Variants in DROSHA observed in about 807,000 individuals in gnomAD.
DROSHA encodes the protein drosha ribonuclease III.
In DROSHA, 56 loss-of-function variants were observed where a neutral mutation model predicts 181.9. That is an observed-to-expected ratio of 0.31 (90% confidence interval 0.25 to 0.38). DROSHA has a LOEUF of 0.38. Ranked by LOEUF, DROSHA falls within the 10% of genes least tolerant of loss-of-function variation. DROSHA has a pLI of 1.00. For missense variants in DROSHA, 1,218 were observed against 1,743.5 expected (o/e 0.70, Z 5.37); for synonymous variants, 524 against 591.2 (o/e 0.89, Z 1.65).
chr5:31,481,016 G>A (rs1224354123), intron 16 of DROSHA, among the ~76,000 whole-genome samples: 1 of 151,794 alleles, frequency 6.6e-6, no homozygotes, highest in African/African-American at 2.4e-5. Context: ...TTAAAAAATA[G>A]ATGCAAATCA....
chr5:31,483,516 AC>A, intron 16 of DROSHA, 37 bp downstream of exon 16: 1 of 1,597,672 alleles, frequency 6.3e-7, no homozygotes, highest in Non-Finnish European at 8.6e-7. Context: ...TTTCAGATGC[AC>A]TATCTCACCA....
At chr5:31,406,532 C>T (rs959085219) in intron 34 of DROSHA, among the ~76,000 whole-genome samples, 4 of 151,962 alleles carry the variant, frequency 2.6e-5, no homozygotes, top group African/African-American at 7.3e-5. Context: ...GTGTCATGTG[C>T]GACATGACAC....
At chr5:31,472,397 A>C (rs1749838521) in intron 16 of DROSHA, among the ~76,000 whole-genome samples, 165 bp from the exon 17 acceptor site, 1 of 152,244 alleles carries the variant, frequency 6.6e-6, no homozygotes, top group Non-Finnish European at 1.5e-5. Flanking sequence ...AATAATATGA[A>C]AGCCATTTGT....
intron 20 of DROSHA, among the ~76,000 whole-genome samples, chr5:31,461,389 T>C (rs1748386883): frequency 6.6e-6 from 1 of 152,292 alleles, no homozygotes; most frequent in South Asian, 2.1e-4. Flanking sequence ...CAAAAACTCT[T>C]AGTTAAAATG....
intron 8 of DROSHA, 84 bp from the exon 9 acceptor site, chr5:31,511,260 G>A: frequency 1.5e-6 from 2 of 1,328,984 alleles, no homozygotes; most frequent in Non-Finnish European, 2.0e-6. Context: ...GGTAATCAAA[G>A]CATTTTTAAC....
intron 22 of DROSHA, 47 bp downstream of exon 22, chr5:31,449,232 AAC>A (rs1214555727): frequency 1.6e-5 from 25 of 1,604,714 alleles, no homozygotes; most frequent in Non-Finnish European, 2.1e-5. Flanking sequence ...TACAACAGAA[AAC>A]ACAGGCCAAA....
At position 31,474,327 on chromosome 5, in the gene DROSHA, T is replaced by A. The variant is rs148848392; in HGVS notation, c.2072-2095A>T. ...AACTTCCATAGTGTTATGGACTCAATGTTTGTGTTCCCCCAAATTTCATAT... is the reference window on the plus strand; with the variant it reads ...AACTTCCATAGTGTTATGGACTCAAAGTTTGTGTTCCCCCAAATTTCATAT... On this transcript the variant is annotated intron_variant, in intron 16 of 35. Coordinates refer to ENST00000344624, the MANE Select transcript of DROSHA (RefSeq NM_001382508.1). Among the ~76,000 whole-genome samples the A allele has an allele frequency of 1.1e-4, 16 of 152,300 alleles. No homozygotes were observed. In the East Asian group the frequency reaches 2.7e-3, roughly 26 times the overall value.
chr5:31,496,715 T>A (rs1448644461), intron 11 of DROSHA, among the ~76,000 whole-genome samples: 5 of 152,214 alleles, frequency 3.3e-5, no homozygotes, highest in Admixed American at 3.3e-4. Context: ...GCTCCCTGGA[T>A]AACCTTGACT....
intron 10 of DROSHA, among the ~76,000 whole-genome samples, chr5:31,506,344 C>T (rs1580332305): frequency 7.1e-6 from 1 of 140,314 alleles, no homozygotes. Context: ...GCCTGGGCGA[C>T]AGAGTGAGAC....
intron 11 of DROSHA, among the ~76,000 whole-genome samples, chr5:31,496,809 G>C (rs1438157283): frequency 6.6e-6 from 1 of 152,230 alleles, no homozygotes; most frequent in East Asian, 1.9e-4. Flanking sequence ...TTACAGTCCA[G>C]TTCCTGTGTG....
chr5:31,484,758 C>A, intron 15 of DROSHA, 123 bp downstream of exon 15: 1 of 688,086 alleles, frequency 1.5e-6, no homozygotes, highest in Admixed American at 3.4e-5. Flanking sequence ...TAACACTTTT[C>A]TCTGGGTATT....
intron 16 of DROSHA, among the ~76,000 whole-genome samples, chr5:31,478,495 A>G (rs777964704): frequency 9.2e-5 from 14 of 152,160 alleles, no homozygotes; most frequent in Non-Finnish European, 1.9e-4. Flanking sequence ...CTAGCACTTT[A>G]GGAGGCTGAG....
chr5:31,497,707 C>T (rs1334117433), intron 11 of DROSHA, among the ~76,000 whole-genome samples: 1 of 152,226 alleles, frequency 6.6e-6, no homozygotes, highest in Non-Finnish European at 1.5e-5. Context: ...AGTGCCATTA[C>T]TCACCTGCTT....
chr5:31,438,004 C>T (rs1473302988), intron 23 of DROSHA, among the ~76,000 whole-genome samples: 1 of 152,180 alleles, frequency 6.6e-6, no homozygotes, highest in East Asian at 1.9e-4. Flanking sequence ...CCCGATGCCC[C>T]TCATCAAAAT....
intron 17 of DROSHA, among the ~76,000 whole-genome samples, chr5:31,468,303 C>G (rs1175214620): frequency 6.6e-6 from 1 of 152,146 alleles, no homozygotes; most frequent in Non-Finnish European, 1.5e-5. Flanking sequence ...TTTTTGCAGT[C>G]CACATAGAAA....
intron 3 of DROSHA, among the ~76,000 whole-genome samples, chr5:31,529,643 G>A (rs1196549744): frequency 1.3e-5 from 2 of 151,172 alleles, no homozygotes; most frequent in Non-Finnish European, 2.9e-5. Context: ...GCTGAGGCAG[G>A]AGAATGACAT....
chr5:31,412,756 A>G (rs560824385), intron 30 of DROSHA, among the ~76,000 whole-genome samples: 1 of 152,310 alleles, frequency 6.6e-6, no homozygotes, highest in African/African-American at 2.4e-5. Flanking sequence ...TTACAAGGCT[A>G]GCATATAACA....
intron 9 of DROSHA, among the ~76,000 whole-genome samples, chr5:31,510,702 A>C (rs1041813343): frequency 3.9e-5 from 6 of 152,194 alleles, no homozygotes; most frequent in Admixed American, 1.3e-4. Context: ...GGAGAGGGCC[A>C]AGGAAGGACA....
intron 16 of DROSHA, among the ~76,000 whole-genome samples, chr5:31,474,150 AAAT>A (rs869031576): frequency 4.6e-5 from 7 of 152,226 alleles, no homozygotes; most frequent in Admixed American, 1.3e-4. Context: ...TGCTTCTAAA[AAAT>A]AATAATGATT....
Sources: allele counts gnomAD v4.1 joint callset (sites outside exome capture counted in the v4.1 genomes callset), GRCh38; gene constraint gnomAD v4.1.1; transcripts MANE v1.5; gene names NCBI Gene and HGNC (gene_info 2026-07-23, HGNC 2026-07-21).